SH3KBP1: variants seen among roughly 807,000 people sequenced by gnomAD.
The protein encoded by SH3KBP1 is SH3 domain-containing kinase-binding protein 1.
A neutral mutation model predicts 50.1 loss-of-function variants in SH3KBP1; 8 were observed. The ratio of observed to expected loss-of-function variants is 0.16; its 90% CI spans 0.09 to 0.29. The LOEUF is 0.29. Among genes scored for constraint, SH3KBP1 ranks in the 10% least tolerant of loss-of-function variants. SH3KBP1 has a pLI of 1.00. For missense variants in SH3KBP1, 377 were observed against 535.2 expected (o/e 0.70, Z 2.92); for synonymous variants, 227 against 218.6 (o/e 1.04, Z -0.34).
At chrX:19,584,269 TTA>T (rs71845740) in intron 12 of SH3KBP1, among the ~76,000 whole-genome samples, 27,023 of 91,346 alleles carry the variant, frequency 0.3, 4,571 homozygotes, top group African/African-American at 0.59. Flanking sequence ...AAATACATAT[TTA>T]TATATATATA....
intron 1 of SH3KBP1, among the ~76,000 whole-genome samples, chrX:19,868,118 T>C (rs1031087987): frequency 8.9e-6 from 1 of 112,205 alleles, no homozygotes; most frequent in African/African-American, 3.2e-5. Context: ...AGGTGATTAT[T>C]GCACACAAGG....
chrX:19,847,993 T>C (rs968688928), intron 1 of SH3KBP1, among the ~76,000 whole-genome samples: 3 of 111,969 alleles, frequency 2.7e-5, no homozygotes, highest in Non-Finnish European at 5.6e-5. Flanking sequence ...ATAAACTGGA[T>C]TGGGTTTAAA....
In SH3KBP1 at chrX:19,859,878, G is replaced by C. The variant is rs754929163; in HGVS notation, c.5-23596C>G. 1.6e-4 allele frequency among the ~76,000 whole-genome samples: 18 copies of C among 111,491 alleles called. No homozygotes were observed. The South Asian group carries it at 6.4e-3, about 39-fold the overall frequency. On this transcript the variant is annotated intron_variant, in intron 1 of 17. Transcript: ENST00000397821. ...CTCAATCTCCCTTGCTTCTGTGAAAGCCTCAGTCAGGGATGGGAAACACAA... is the reference window on the plus strand; with the variant it reads ...CTCAATCTCCCTTGCTTCTGTGAAACCCTCAGTCAGGGATGGGAAACACAA...
At chrX:19,540,604 T>G (rs1445248105) in intron 16 of SH3KBP1, among the ~76,000 whole-genome samples, 1 of 111,401 alleles carries the variant, frequency 9.0e-6, no homozygotes, top group Non-Finnish European at 1.9e-5. Flanking sequence ...ACAGGGCTTC[T>G]GCTGACCCCA....
chrX:19,671,827 C>A (rs749431794), intron 6 of SH3KBP1, among the ~76,000 whole-genome samples: 2 of 112,305 alleles, frequency 1.8e-5, no homozygotes, highest in Non-Finnish European at 3.8e-5. Flanking sequence ...ATATTAGCCA[C>A]AATTACAAGT....
In SH3KBP1 at chrX:19,693,229, A is replaced by C. The variant is rs770726860; in HGVS notation, c.520+2383T>G. Among the ~76,000 whole-genome samples the C allele has an allele frequency of 3.6e-5, 4 of 111,691 alleles. No individual in the cohort carries two copies. In the East Asian group the frequency reaches 1.1e-3, roughly 31 times the overall value. On this transcript the variant is annotated intron_variant, in intron 5 of 17. Transcript: ENST00000397821. ...TCTGCAGTGTGAGCTTACTGAAAGC[A>C]GGGACCCTGTCTGATTTGTCTCTGT...
intron 6 of SH3KBP1, among the ~76,000 whole-genome samples, chrX:19,676,892 T>G (rs181322060): frequency 3.7e-4 from 42 of 112,064 alleles, no homozygotes; most frequent in Non-Finnish European, 3.8e-5. Context: ...GTAGAAAGTG[T>G]AGACAGAATT....
chrX:19,537,159 T>C (rs1159609045), intron 17 of SH3KBP1, among the ~76,000 whole-genome samples: 1 of 110,970 alleles, frequency 9.0e-6, no homozygotes, highest in Non-Finnish European at 1.9e-5. Flanking sequence ...CGCAGAGATG[T>C]TTAAGATAAA....
intron 2 of SH3KBP1, among the ~76,000 whole-genome samples, chrX:19,761,596 G>A (rs1157769321): frequency 1.8e-5 from 2 of 111,772 alleles, no homozygotes; most frequent in Non-Finnish European, 3.8e-5. Flanking sequence ...ATAGTTAAGA[G>A]ATCATATCTA....
intron 7 of SH3KBP1, among the ~76,000 whole-genome samples, chrX:19,638,385 G>A (rs2061766355): frequency 9.8e-6 from 1 of 102,377 alleles, no homozygotes; most frequent in South Asian, 4.8e-4. Context: ...AGTCCAGCCT[G>A]GGCGAAAGAG....
chrX:19,662,095 A>G (rs900863555), intron 6 of SH3KBP1, among the ~76,000 whole-genome samples: 2 of 111,591 alleles, frequency 1.8e-5, no homozygotes, highest in Admixed American at 1.9e-4. Context: ...TTCCTTCTCC[A>G]AGTTATTAGT....
intron 1 of SH3KBP1, among the ~76,000 whole-genome samples, chrX:19,854,073 T>C (rs5955853): frequency 0.25 from 27,476 of 110,522 alleles, 3,934 homozygotes; most frequent in African/African-American, 0.53. Flanking sequence ...TTAGCAGCCT[T>C]TGGAGGGTCT....
rs375218887 is a variant in SH3KBP1 at position 19,683,892 on chromosome X, G to A, written c.657C>T (p.Phe219=). Residue 219 remains phenylalanine (F), a synonymous_variant, in exon 6 of 18, where the codon TTC becomes TTT. Coordinates refer to ENST00000397821, the MANE Select transcript of SH3KBP1 (RefSeq NM_031892.3). The stretch of plus-strand genomic sequence containing the variant: ...GTCTTAGTTTGATTGGCTTGTCTTT[G>A]AAAATGTCTCCAAAGCCCACTCCCT... ...KVKGVGFGDI[F]KDKPIKLRPR... The A allele has an allele frequency of 1.7e-5, 21 of 1,209,864 alleles. No homozygotes were observed. Among genetic ancestry groups the A allele is most frequent in the Non-Finnish European group, 2.3e-5 (21 of 894,921 alleles).
At chrX:19,615,589 G>A (rs1416658166) in intron 8 of SH3KBP1, among the ~76,000 whole-genome samples, 1 of 112,001 alleles carries the variant, frequency 8.9e-6, no homozygotes, top group African/African-American at 3.2e-5. Context: ...CATGGAAGCC[G>A]GGGCCCAGAA....
At chrX:19,549,252 A>ATT (rs371900573) in intron 14 of SH3KBP1, among the ~76,000 whole-genome samples, 12 of 110,106 alleles carry the variant, frequency 1.1e-4, no homozygotes, top group Non-Finnish European at 1.3e-4. Context: ...TATACAAATA[A>ATT]TTTTTTTTTA....
At chrX:19,611,624 G>A (rs951214695) in intron 8 of SH3KBP1, among the ~76,000 whole-genome samples, 1 of 111,738 alleles carries the variant, frequency 8.9e-6, no homozygotes, top group African/African-American at 3.3e-5. Context: ...AAAGTGCTGG[G>A]ATTATAGGTG....
At chrX:19,679,967 T>C (rs2063007327) in intron 6 of SH3KBP1, among the ~76,000 whole-genome samples, 1 of 112,286 alleles carries the variant, frequency 8.9e-6, no homozygotes, top group African/African-American at 3.2e-5. Flanking sequence ...AGGGATGTTA[T>C]ACAATATCTC....
At chrX:19,822,068 A>G (rs2147341139) in intron 2 of SH3KBP1, among the ~76,000 whole-genome samples, 1 of 112,297 alleles carries the variant, frequency 8.9e-6, no homozygotes, top group South Asian at 3.7e-4. Context: ...CTTCCTTGTA[A>G]GTATATGTCA....
chrX:19,717,609 C>T (rs745596436), intron 3 of SH3KBP1, among the ~76,000 whole-genome samples: 122 of 111,471 alleles, frequency 1.1e-3, no homozygotes, highest in African/African-American at 3.8e-3. Flanking sequence ...AAAGTCAATG[C>T]CATCTGGAAT....
Sources: allele counts gnomAD v4.1 joint callset (sites outside exome capture counted in the v4.1 genomes callset), GRCh38; gene constraint gnomAD v4.1.1; transcripts MANE v1.5; gene names NCBI Gene and HGNC (gene_info 2026-07-23, HGNC 2026-07-21).